EVI2B: variants seen among roughly 807,000 people sequenced by gnomAD.
EVI2B encodes protein EVI2B.
In EVI2B, 4 loss-of-function variants were observed where a neutral mutation model predicts 6.6. The observed-to-expected ratio is 0.61, with a 90% confidence interval of 0.30 to 1.39. The LOEUF is 1.39. EVI2B is among the 40% of genes most tolerant of loss of function. The probability of loss-of-function intolerance (pLI) is 0.08; values close to 1 mark genes in which losing one functional copy is unlikely to be tolerated. For synonymous variants in EVI2B, 181 were observed against 186.8 expected (o/e 0.97, Z 0.25); for missense variants, 484 against 516.6 (o/e 0.94, Z 0.61).
In EVI2B at chr17:31,305,491, G is replaced by A. The variant is rs780540629; in HGVS notation, c.119C>T (p.Ser40Leu). The A allele has an allele frequency of 6.2e-7, 1 of 1,614,166 alleles. No homozygotes were observed. The highest frequency in any genetic ancestry group is 8.5e-7 in the Non-Finnish European group (1 of 1,180,032). The change falls in exon 2 of 2, where the codon TCA (serine) becomes TTA (leucine). Residue 40 changes from serine (S) to leucine (L), a missense_variant. Transcript: ENST00000330927. ...KQSQPTLFTS[S>L]MSQVLANSQN... ...AGAATTAGCCAATACCTGTGACATT[G>A]ATGATGTGAATAAGGTAGGCTGTGA...
At position 31,307,637 on chromosome 17, in the gene EVI2B, A is replaced by G. The variant is rs369159624; in HGVS notation, c.-21-2007T>C. On this transcript the variant is annotated intron_variant, in intron 1 of 1. Coordinates refer to ENST00000330927, the MANE Select transcript of EVI2B (RefSeq NM_006495.4). ...AGTTGCTTAACCTTTCCTGTTCTCA[A>G]TTGCCTTTCCTCTAAAGTGAAGAGT... 3.9e-5 allele frequency among the ~76,000 whole-genome samples: 6 copies of G among 152,292 alleles called. No individual in the cohort carries two copies. In the East Asian group the frequency reaches 5.8e-4, roughly 15 times the overall value.
chr17:31,313,661 G>A (rs17882020), intron 1 of EVI2B, among the ~76,000 whole-genome samples: 68,121 of 149,760 alleles, frequency 0.45, 18,983 homozygotes, highest in Non-Finnish European at 0.62. Context: ...AGCTGAGATC[G>A]TGCCACTGCA....
rs756230546 is a variant in EVI2B, at chr17:31,304,653, A to G, written c.957T>C (p.Asp319=). The G allele has an allele frequency of 1.1e-5, 18 of 1,614,028 alleles. No individual in the cohort carries two copies. The highest frequency in any genetic ancestry group is 3.3e-5 in the South Asian group (3 of 91,082). ...IKDQVNGTSE[D]SADGSTVGTA... is the part of the protein sequence containing the mutation. Reference sequence around the variant, plus strand: ...TTCCAACTGTTGAACCATCAGCACTATCTTCTGATGTACCATTTACTTGAT... The same window carrying G: ...TTCCAACTGTTGAACCATCAGCACTGTCTTCTGATGTACCATTTACTTGAT... The change falls in exon 2 of 2, where the codon GAT becomes GAC. Residue 319 remains aspartate, a synonymous_variant. Transcript: ENST00000330927.
chr17:31,313,660 C>T (rs970091045), intron 1 of EVI2B, among the ~76,000 whole-genome samples: 11 of 148,456 alleles, frequency 7.4e-5, no homozygotes, highest in African/African-American at 1.5e-4. Flanking sequence ...GAGCTGAGAT[C>T]GTGCCACTGC....
intron 1 of EVI2B, among the ~76,000 whole-genome samples, chr17:31,310,896 A>G (rs1025576604): frequency 6.6e-6 from 1 of 151,828 alleles, no homozygotes; most frequent in African/African-American, 2.4e-5. Flanking sequence ...AACATTTTAA[A>G]GACAGTTACA....
intron 1 of EVI2B, among the ~76,000 whole-genome samples, chr17:31,308,792 T>C (rs1457023080): frequency 6.6e-6 from 1 of 152,188 alleles, no homozygotes; most frequent in African/African-American, 2.4e-5. Flanking sequence ...TTTACTGAAT[T>C]CCCCCTAGCT....
intron 1 of EVI2B, among the ~76,000 whole-genome samples, chr17:31,310,940 C>CTTTTTT (rs77429998): frequency 1.5e-5 from 2 of 130,892 alleles, no homozygotes; most frequent in Non-Finnish European, 3.3e-5. Context: ...AAGACATGTT[C>CTTTTTT]TTTTTTTTTT....
intron 1 of EVI2B, among the ~76,000 whole-genome samples, chr17:31,312,792 G>A (rs2068912605): frequency 6.6e-6 from 1 of 152,044 alleles, no homozygotes; most frequent in Admixed American, 6.6e-5. Context: ...ATTAAGTGTT[G>A]AAATGGGATA....
At chr17:31,310,073 G>T (rs1442065264) in intron 1 of EVI2B, among the ~76,000 whole-genome samples, 2 of 152,144 alleles carry the variant, frequency 1.3e-5, no homozygotes, top group Non-Finnish European at 2.9e-5. Flanking sequence ...TTTCCCAGCG[G>T]TAATGAGGCC....
Position 31,305,090 on chromosome 17 carries a change from C to T in EVI2B, c.520G>A (p.Val174Ile), listed in dbSNP as rs1250996680. 1.9e-6 allele frequency: 3 copies of T among 1,613,924 alleles called. No individual in the cohort carries two copies. In the African/African-American group the frequency reaches 4.0e-5, roughly 22 times the overall value. ...GGTGTACTCCTAGGTGAATTTTTGA[C>T]AGTTGATGTTGGTTGTGTGGATGGA... ...HNPSTQPTST[V>I]KNSPRSTPGF... The change falls in exon 2 of 2, where the codon GTC (valine) becomes ATC (isoleucine). Residue 174 changes from valine (V) to isoleucine (I), a missense_variant. By Grantham distance (29) the Val-to-Ile change is conservative. Coordinates refer to ENST00000330927, the MANE Select transcript of EVI2B (RefSeq NM_006495.4).
At chr17:31,306,772 G>T (rs1332167830) in intron 1 of EVI2B, among the ~76,000 whole-genome samples, 1 of 151,486 alleles carries the variant, frequency 6.6e-6, no homozygotes, top group Non-Finnish European at 1.5e-5. Flanking sequence ...CATTTGTGTG[G>T]AGCTCTGTTC....
intron 1 of EVI2B, among the ~76,000 whole-genome samples, chr17:31,310,830 G>A (rs7221162): frequency 0.016 from 2,456 of 151,758 alleles, 81 homozygotes; most frequent in African/African-American, 0.056. Flanking sequence ...CTGTGATTTT[G>A]GTTCTTTTTC....
chr17:31,307,299 G>T (rs188742646), intron 1 of EVI2B, among the ~76,000 whole-genome samples: 2 of 151,912 alleles, frequency 1.3e-5, no homozygotes, highest in Admixed American at 1.3e-4. Context: ...GATTACAGGT[G>T]TGAGCCACCA....
chr17:31,309,459 A>T (rs2068811647), intron 1 of EVI2B, among the ~76,000 whole-genome samples: 1 of 152,176 alleles, frequency 6.6e-6, no homozygotes, highest in Admixed American at 6.5e-5. Flanking sequence ...TAATCTCTGG[A>T]TGGTCATCAT....
rs563265928 is a variant in EVI2B, at chr17:31,309,031, C to T, written c.-21-3401G>A. 3.9e-5 allele frequency among the ~76,000 whole-genome samples: 6 copies of T among 152,240 alleles called. No homozygotes were observed. In the South Asian group the frequency reaches 6.2e-4, roughly 16 times the overall value. On this transcript the variant is annotated intron_variant, in intron 1 of 1. Coordinates refer to ENST00000330927, the MANE Select transcript of EVI2B (RefSeq NM_006495.4). Reference sequence around the variant, plus strand: ...TGCATACTTTATTTCACAGAACCTTCAAATGACTTTATAAGGAAGGTAAAG... The same window carrying T: ...TGCATACTTTATTTCACAGAACCTTTAAATGACTTTATAAGGAAGGTAAAG...
chr17:31,304,791 T>C lies in EVI2B; in HGVS notation c.819A>G (p.Thr273=), dbSNP rs1486483603. Reference sequence around the variant, plus strand: ...GTGTGCTTTTGCTTGGTTTCCAGGGTGTAAGTGAAATGATTGATGTACGTT... The same window carrying C: ...GTGTGCTTTTGCTTGGTTTCCAGGGCGTAAGTGAAATGATTGATGTACGTT... ...STKRTSIISL[T]PWKPSKSTLL... The change falls in exon 2 of 2, where the codon ACA becomes ACG. Residue 273 remains threonine (T), a synonymous_variant. Coordinates refer to ENST00000330927, the MANE Select transcript of EVI2B (RefSeq NM_006495.4). 1.9e-6 allele frequency: 3 copies of C among 1,613,950 alleles called. No individual in the cohort carries two copies. In the African/African-American group the frequency reaches 4.0e-5, roughly 22 times the overall value.
intron 1 of EVI2B, among the ~76,000 whole-genome samples, chr17:31,310,469 G>A (rs911418168): frequency 6.6e-6 from 1 of 152,096 alleles, no homozygotes; most frequent in African/African-American, 2.4e-5. Context: ...AAGAAGCAAC[G>A]GCAAAATGCT....
intron 1 of EVI2B, among the ~76,000 whole-genome samples, chr17:31,312,518 C>CAAAA (rs951056099): frequency 1.7e-5 from 1 of 60,134 alleles, no homozygotes; most frequent in African/African-American, 6.3e-5. Flanking sequence ...GACTCCATCT[C>CAAAA]AAAAAAAAAA....
Position 31,304,857 on chromosome 17 carries a change from G to A in EVI2B, c.753C>T (p.Asp251=), listed in dbSNP as rs1297822784. Residue 251 remains aspartate, a synonymous_variant, in exon 2 of 2, where the codon GAC becomes GAT. Transcript: ENST00000330927. The part of the protein sequence containing the change: ...RSPFADGETP[D]ICMDNIRENE... ...TTTCTCTGATGTTATCCATACAAAT[G>A]TCAGGGGTTTCTCCATCAGCAAATG... 2 of 1,613,932 alleles carry A rather than the reference G, an allele frequency of 1.2e-6. No homozygotes were observed. The highest frequency in any genetic ancestry group is 1.7e-6 in the Non-Finnish European group (2 of 1,180,026).
Sources: gnomAD v4.1 joint callset for allele counts (sites outside exome capture counted in the v4.1 genomes callset) on GRCh38, gnomAD v4.1.1 for gene constraint, MANE v1.5 for transcripts, NCBI Gene and HGNC (gene_info 2026-07-23, HGNC 2026-07-21) for gene names.